The following BAIAP2L1 variants were observed in gnomAD, a reference collection of about 807,000 sequenced individuals.
The protein encoded by BAIAP2L1 is BAR/IMD domain containing adaptor protein 2 like 1.
A neutral mutation model predicts 66.3 loss-of-function variants in BAIAP2L1; 35 were observed. The observed-to-expected ratio is 0.53, with a 90% confidence interval of 0.40 to 0.70. The LOEUF (loss-of-function observed/expected upper bound fraction) is 0.70. Ranked by LOEUF, BAIAP2L1 falls within the 30% of genes least tolerant of loss-of-function variation. The probability of loss-of-function intolerance (pLI) is 0.00; values close to 1 mark genes in which losing one functional copy is unlikely to be tolerated. For synonymous variants in BAIAP2L1, 269 were observed against 248.7 expected (o/e 1.08, Z -0.77); for missense variants, 622 against 656.9 (o/e 0.95, Z 0.58).
At chr7:98,299,049 CTT>C (rs1800306056) in intron 12 of BAIAP2L1, among the ~76,000 whole-genome samples, 1 of 151,872 alleles carries the variant, frequency 6.6e-6, no homozygotes, top group Non-Finnish European at 1.5e-5. Flanking sequence ...GAGTTTTCCT[CTT>C]GTTGCCCAGG....
intron 1 of BAIAP2L1, among the ~76,000 whole-genome samples, chr7:98,372,856 G>A (rs1201850200): frequency 2.0e-5 from 3 of 148,772 alleles, no homozygotes; most frequent in Admixed American, 1.4e-4. Context: ...AGCGGTTTTC[G>A]TGCCTAAGGA....
At chr7:98,374,424 T>G (rs1489434095) in intron 1 of BAIAP2L1, among the ~76,000 whole-genome samples, 1 of 152,204 alleles carries the variant, frequency 6.6e-6, no homozygotes, top group Non-Finnish European at 1.5e-5. Flanking sequence ...TTTGAAATGT[T>G]GCATTTTAAA....
At chr7:98,397,539 G>A (rs999422273) in intron 1 of BAIAP2L1, among the ~76,000 whole-genome samples, 13 of 151,910 alleles carry the variant, frequency 8.6e-5, no homozygotes, top group African/African-American at 2.4e-4. Context: ...TGGCCAGGAC[G>A]GTCTCGATCT....
At chr7:98,320,375 G>A (rs1025458702) in intron 3 of BAIAP2L1, 77 bp from the exon 4 acceptor site, 10 of 1,171,566 alleles carry the variant, frequency 8.5e-6, no homozygotes, top group South Asian at 2.9e-5. Flanking sequence ...TTGCTCTGTC[G>A]CCCAGGCTGG....
chr7:98,352,007 A>T (rs1802011262), intron 3 of BAIAP2L1, among the ~76,000 whole-genome samples: 1 of 152,190 alleles, frequency 6.6e-6, no homozygotes, highest in African/African-American at 2.4e-5. Flanking sequence ...AGTTGTGAAT[A>T]CCAAATACCA....
intron 3 of BAIAP2L1, among the ~76,000 whole-genome samples, chr7:98,330,681 T>C (rs1017455639): frequency 5.3e-5 from 8 of 152,076 alleles, no homozygotes; most frequent in African/African-American, 1.9e-4. Flanking sequence ...AAATAAAAAA[T>C]AAAGGAGGTT....
At chr7:98,303,888 C>T (rs1800527482) in intron 12 of BAIAP2L1, among the ~76,000 whole-genome samples, 1 of 152,226 alleles carries the variant, frequency 6.6e-6, no homozygotes, top group Non-Finnish European at 1.5e-5. Flanking sequence ...GGCTAGAAGA[C>T]TGCAGCCAGG....
intron 1 of BAIAP2L1, among the ~76,000 whole-genome samples, chr7:98,381,117 T>C (rs983805306): frequency 6.6e-6 from 1 of 152,126 alleles, no homozygotes; most frequent in African/African-American, 2.4e-5. Flanking sequence ...GACCCATTAG[T>C]AGAAAATGAT....
intron 1 of BAIAP2L1, among the ~76,000 whole-genome samples, chr7:98,389,157 GC>G (rs1488227604): frequency 1.3e-5 from 2 of 151,930 alleles, no homozygotes; most frequent in Admixed American, 6.6e-5. Context: ...GTGACAGGGG[GC>G]CCTGTCTTCT....
intron 3 of BAIAP2L1, among the ~76,000 whole-genome samples, chr7:98,332,854 T>A (rs530829057): frequency 6.8e-6 from 1 of 146,970 alleles, no homozygotes. Flanking sequence ...CTCTCCTCAG[T>A]TGACAACCTC....
At chr7:98,357,444 G>A (rs1397087413) in intron 2 of BAIAP2L1, among the ~76,000 whole-genome samples, 1 of 151,210 alleles carries the variant, frequency 6.6e-6, no homozygotes, top group Non-Finnish European at 1.5e-5. Flanking sequence ...GCACATGCTT[G>A]TAATCCCAGC....
intron 3 of BAIAP2L1, among the ~76,000 whole-genome samples, chr7:98,332,120 AC>A (rs1261603305): frequency 6.6e-5 from 10 of 151,860 alleles, no homozygotes; most frequent in African/African-American, 2.4e-4. Context: ...AGTGGCTCAC[AC>A]CTGTAATTCC....
intron 3 of BAIAP2L1, among the ~76,000 whole-genome samples, chr7:98,327,397 G>A (rs1427100431): frequency 1.3e-5 from 2 of 150,410 alleles, no homozygotes; most frequent in African/African-American, 4.9e-5. Context: ...AATAAAGCCA[G>A]GCGTGGTGGC....
chr7:98,306,798 C>T, intron 10 of BAIAP2L1: 1 of 418,992 alleles, frequency 2.4e-6, no homozygotes, highest in Admixed American at 3.8e-5. Context: ...GCCTCGAACT[C>T]ATGGGCTCAA....
intron 3 of BAIAP2L1, among the ~76,000 whole-genome samples, chr7:98,325,150 G>C (rs1167177636): frequency 6.6e-6 from 1 of 151,494 alleles, no homozygotes; most frequent in Non-Finnish European, 1.5e-5. Flanking sequence ...TTTGGGAGGC[G>C]GAGGCAGGCA....
intron 2 of BAIAP2L1, 50 bp from the exon 3 acceptor site, chr7:98,355,178 G>A (rs754569657): frequency 1.5e-6 from 2 of 1,330,048 alleles, no homozygotes; most frequent in South Asian, 2.4e-5. Context: ...AAGGAAAGGA[G>A]GAAGCAACAC....
At chr7:98,320,994 C>G (rs1273093319) in intron 3 of BAIAP2L1, among the ~76,000 whole-genome samples, 10 of 151,996 alleles carry the variant, frequency 6.6e-5, no homozygotes. Flanking sequence ...GTAGCTGGGA[C>G]TACAGGCGTG....
chr7:98,301,028 C>T (rs1431463858), intron 12 of BAIAP2L1, among the ~76,000 whole-genome samples: 1 of 152,184 alleles, frequency 6.6e-6, no homozygotes, highest in Non-Finnish European at 1.5e-5. Flanking sequence ...TCTCATTCCT[C>T]TTTGTGTCCT....
chr7:98,294,625 C>T (rs1056742026), intron 12 of BAIAP2L1, among the ~76,000 whole-genome samples: 1 of 152,180 alleles, frequency 6.6e-6, no homozygotes, highest in Non-Finnish European at 1.5e-5. Context: ...CTCTCAGACT[C>T]GGGGCAAACA....
Sources: allele counts gnomAD v4.1 joint callset (sites outside exome capture counted in the v4.1 genomes callset), GRCh38; gene constraint gnomAD v4.1.1; transcripts MANE v1.5; gene names NCBI Gene and HGNC (gene_info 2026-07-23, HGNC 2026-07-21).